VDAC1: variants seen among roughly 807,000 people sequenced by gnomAD.
VDAC1 encodes the protein non-selective voltage-gated ion channel VDAC1.
In VDAC1, 10 loss-of-function variants were observed where a neutral mutation model predicts 34.7. That is an observed-to-expected ratio of 0.29 (90% CI 0.18 to 0.49). The LOEUF (loss-of-function observed/expected upper bound fraction) is 0.49, where lower values mean the gene tolerates loss of function less well. Ranked by LOEUF, VDAC1 falls within the 20% of genes least tolerant of loss-of-function variation. The pLI is 0.99. For missense variants in VDAC1, 230 were observed against 347.9 expected (o/e 0.66, Z 2.69); for synonymous variants, 130 against 136.0 (o/e 0.96, Z 0.30).
At position 133,991,108 on chromosome 5, in the gene VDAC1, G is replaced by A. The variant is rs757866074; in HGVS notation, c.164C>T (p.Thr55Met). Residue 55 changes from threonine to methionine, a missense_variant, in exon 4 of 9, where the codon ACG (threonine) becomes ATG (methionine). Transcript: ENST00000265333. ...TCTGTACTTGGTTTCCAGACTGCCC[G>A]TCACTTTGGTGGTCTCAGTGTTGGC... ...GSANTETTKV[T>M]GSLETKYRWT... 3.1e-5 allele frequency: 50 copies of A among 1,613,530 alleles called. 1 individual carries two copies. The South Asian group carries it at 3.8e-4, about 12-fold the overall frequency.
the VDAC1 span, among the ~76,000 whole-genome samples, chr5:134,044,633 G>T: frequency 1.3e-3 from 201 of 151,570 alleles, 3 homozygotes; most frequent in African/African-American, 4.6e-3. Context: ...CTGTGTGTGT[G>T]TGTGCATATT....
At chr5:134,065,112 A>G in the VDAC1 span, among the ~76,000 whole-genome samples, 2 of 151,758 alleles carry the variant, frequency 1.3e-5, no homozygotes, top group Admixed American at 6.6e-5. Context: ...CACCTTATTA[A>G]TTTTTAGTCT....
chr5:134,051,109 C>A, the VDAC1 span, among the ~76,000 whole-genome samples: 1 of 152,226 alleles, frequency 6.6e-6, no homozygotes, highest in Non-Finnish European at 1.5e-5. Flanking sequence ...GAGGACAGAG[C>A]ACCTTCTTCC....
At chr5:134,022,025 C>A in the VDAC1 span, among the ~76,000 whole-genome samples, 14 of 152,188 alleles carry the variant, frequency 9.2e-5, no homozygotes, top group African/African-American at 3.4e-4. Context: ...GGGTTACAGG[C>A]ATGTGCCACC....
chr5:134,094,524 T>C, the VDAC1 span, among the ~76,000 whole-genome samples: 3 of 152,048 alleles, frequency 2.0e-5, no homozygotes, highest in South Asian at 2.1e-4. Flanking sequence ...GATAAAACCC[T>C]GTCTCCACTA....
chr5:134,112,997 C>T, the VDAC1 span, among the ~76,000 whole-genome samples: 1 of 152,186 alleles, frequency 6.6e-6, no homozygotes, highest in African/African-American at 2.4e-5. Context: ...ATCCGGATTC[C>T]CTTTCAGCTG....
chr5:134,060,854 G>A, the VDAC1 span, among the ~76,000 whole-genome samples: 14 of 139,178 alleles, frequency 1.0e-4, 1 homozygote, highest in South Asian at 2.4e-4. Flanking sequence ...TGCTTTATTT[G>A]TTGCAGATCT....
At chr5:133,995,741 C>G (rs550518735) in intron 1 of VDAC1, among the ~76,000 whole-genome samples, 2 of 152,308 alleles carry the variant, frequency 1.3e-5, no homozygotes, top group East Asian at 3.9e-4. Context: ...CAGACAGCAC[C>G]CCCAAAATGC....
chr5:134,036,692 G>A, the VDAC1 span, among the ~76,000 whole-genome samples: 2 of 149,956 alleles, frequency 1.3e-5, no homozygotes, highest in South Asian at 2.1e-4. Context: ...GGTGGCTCAC[G>A]CCTGTAGTCC....
chr5:134,073,362 CT>C, the VDAC1 span, among the ~76,000 whole-genome samples: 4 of 152,196 alleles, frequency 2.6e-5, no homozygotes, highest in Non-Finnish European at 5.9e-5. Context: ...ATTCTCAGGC[CT>C]CATCCCAGTC....
At chr5:134,057,543 G>A in the VDAC1 span, among the ~76,000 whole-genome samples, 3 of 111,932 alleles carry the variant, frequency 2.7e-5, no homozygotes, top group Non-Finnish European at 5.9e-5. Flanking sequence ...ATCTATATAA[G>A]CCAAGTGTGG....
chr5:134,017,730 G>A, the VDAC1 span, among the ~76,000 whole-genome samples: 3 of 151,888 alleles, frequency 2.0e-5, no homozygotes, highest in East Asian at 1.9e-4. Context: ...TGGCTAACAC[G>A]GTGAAACCCC....
At chr5:134,079,479 C>T in the VDAC1 span, among the ~76,000 whole-genome samples, 1 of 152,154 alleles carries the variant, frequency 6.6e-6, no homozygotes, top group Non-Finnish European at 1.5e-5. Context: ...TTAGTCTCCA[C>T]TCGGGGTGGA....
chr5:134,082,301 G>A, the VDAC1 span, among the ~76,000 whole-genome samples: 3 of 152,104 alleles, frequency 2.0e-5, no homozygotes, highest in Non-Finnish European at 4.4e-5. Flanking sequence ...CTAGAGTCTT[G>A]TATAATTAAA....
the VDAC1 span, among the ~76,000 whole-genome samples, chr5:134,044,812 T>G: frequency 1.3e-5 from 2 of 152,216 alleles, no homozygotes; most frequent in East Asian, 3.8e-4. Flanking sequence ...TCCTACCCCA[T>G]GTGAGGTACT....
At chr5:134,044,041 G>T in the VDAC1 span, among the ~76,000 whole-genome samples, 1 of 152,164 alleles carries the variant, frequency 6.6e-6, no homozygotes, top group Non-Finnish European at 1.5e-5. Flanking sequence ...CAGCTGATGA[G>T]CACAGACTGC....
At chr5:134,046,869 T>A in the VDAC1 span, among the ~76,000 whole-genome samples, 5 of 152,346 alleles carry the variant, frequency 3.3e-5, no homozygotes, top group Non-Finnish European at 7.4e-5. Context: ...CAGGCCTCGA[T>A]CTTCTCATCT....
chr5:134,053,125 G>A, the VDAC1 span, among the ~76,000 whole-genome samples: 1 of 149,460 alleles, frequency 6.7e-6, no homozygotes, highest in Admixed American at 6.7e-5. Flanking sequence ...CAAAAAAAAA[G>A]AAGAAAGAAA....
At chr5:134,057,502 T>TATCTATATCTATATCTA in the VDAC1 span, among the ~76,000 whole-genome samples, 1 of 146,138 alleles carries the variant, frequency 6.8e-6, no homozygotes, top group East Asian at 2.0e-4. Context: ...TTTATATCTA[T>TATCTATATCTATATCTA]ATCTATATCT....
Sources: gnomAD v4.1 joint callset for allele counts (sites outside exome capture counted in the v4.1 genomes callset) on GRCh38, gnomAD v4.1.1 for gene constraint, MANE v1.5 for transcripts, NCBI Gene and HGNC (gene_info 2026-07-23, HGNC 2026-07-21) for gene names.